The following RABGAP1L variants were observed in gnomAD, a reference collection of about 807,000 sequenced individuals.
RABGAP1L encodes the protein rab GTPase-activating protein 1-like.
Under a neutral mutation model 137.7 loss-of-function variants are expected in RABGAP1L, and 63 were observed. That is an observed-to-expected ratio of 0.46 (90% CI 0.37 to 0.56). The LOEUF (loss-of-function observed/expected upper bound fraction) is 0.56, where lower values mean the gene tolerates loss of function less well. Among genes scored for constraint, RABGAP1L ranks in the 20% least tolerant of loss-of-function variants. The pLI is 0.00. For synonymous variants in RABGAP1L, 431 were observed against 433.7 expected (o/e 0.99, Z 0.08); for missense variants, 1,095 against 1,244.0 (o/e 0.88, Z 1.80).
intron 15 of RABGAP1L, among the ~76,000 whole-genome samples, chr1:174,686,274 TTTTCACTTTG>T: frequency 6.6e-6 from 1 of 152,210 alleles, no homozygotes; most frequent in East Asian, 1.9e-4. Flanking sequence ...TCTATTATGA[TTTTCACTTTG>T]TTTCACTTTG....
chr1:174,703,167 G>A lies in RABGAP1L; in HGVS notation c.2169+911G>A, dbSNP rs933002841. ...AGGGGTACAAGTGATGTTTTGCTAC[G>A]TGGATATATTGTGTAGTGGTTAAGT... On this transcript the variant is annotated intron_variant, in intron 17 of 25. Coordinates refer to ENST00000681986, the MANE Select transcript of RABGAP1L (RefSeq NM_001366446.1). Among the ~76,000 whole-genome samples, 6 of 152,198 alleles carry A rather than the reference G, an allele frequency of 3.9e-5. No individual in the cohort carries two copies. The East Asian group carries it at 5.8e-4, about 15-fold the overall frequency.
At position 174,582,545 on chromosome 1, in the gene RABGAP1L, A is replaced by G. The variant is rs576395368; in HGVS notation, c.1711-54830A>G. Among the ~76,000 whole-genome samples the G allele has an allele frequency of 3.0e-3, 452 of 152,244 alleles. 2 individuals are homozygous for G. The highest frequency in any genetic ancestry group is 0.01 in the Middle Eastern group (3 of 294). On this transcript the variant is annotated intron_variant, in intron 13 of 25. Transcript: ENST00000681986. The stretch of plus-strand genomic sequence containing the variant: ...TACTTGAGCCCTGGAGTTTGAGGCT[A>G]GTCTGGGCAACACAGCAAGACCCCA...
intron 13 of RABGAP1L, among the ~76,000 whole-genome samples, chr1:174,570,587 T>C (rs935600464): frequency 6.6e-6 from 1 of 152,142 alleles, no homozygotes; most frequent in Non-Finnish European, 1.5e-5. Flanking sequence ...ACCTAGAGGA[T>C]GGGATTAATC....
intron 19 of RABGAP1L, among the ~76,000 whole-genome samples, chr1:174,921,718 T>C (rs1482859451): frequency 2.0e-5 from 3 of 152,260 alleles, no homozygotes; most frequent in Non-Finnish European, 2.9e-5. Context: ...CTTTATCATG[T>C]AGCATTTACC....
rs559331066 is a variant in RABGAP1L at position 174,226,422 on chromosome 1, G to C, written c.332-4723G>C. Among the ~76,000 whole-genome samples, 4 of 152,140 alleles carry C rather than the reference G, an allele frequency of 2.6e-5. No individual in the cohort carries two copies. In the South Asian group the frequency reaches 8.3e-4, roughly 31 times the overall value. ...TAAAAAAAGAAAGAAAGAGTCCTCCGGTCGTTGCTTTTTATATTCTGTCGA... is the reference window on the plus strand; with the variant it reads ...TAAAAAAAGAAAGAAAGAGTCCTCCCGTCGTTGCTTTTTATATTCTGTCGA... On this transcript the variant is annotated intron_variant, in intron 3 of 25. Coordinates refer to ENST00000681986, the MANE Select transcript of RABGAP1L (RefSeq NM_001366446.1).
chr1:174,911,858 A>G (rs1009147244), intron 19 of RABGAP1L, among the ~76,000 whole-genome samples: 3 of 152,194 alleles, frequency 2.0e-5, no homozygotes, highest in Admixed American at 6.5e-5. Flanking sequence ...AATGAAACAG[A>G]TGACTGTGTT....
intron 13 of RABGAP1L, among the ~76,000 whole-genome samples, chr1:174,434,327 A>G (rs998741671): frequency 1.3e-5 from 2 of 152,030 alleles, no homozygotes; most frequent in South Asian, 2.1e-4. Flanking sequence ...TCATTGCTAT[A>G]TTTCATTGTA....
At chr1:174,386,661 C>G (rs1032188118) in intron 12 of RABGAP1L, among the ~76,000 whole-genome samples, 2 of 152,020 alleles carry the variant, frequency 1.3e-5, no homozygotes, top group Non-Finnish European at 2.9e-5. Context: ...GTATGGGCCA[C>G]CACGCCTGGC....
At chr1:174,602,607 C>CTTTTTTTTTA (rs1427754328) in intron 13 of RABGAP1L, among the ~76,000 whole-genome samples, 18 of 152,082 alleles carry the variant, frequency 1.2e-4, no homozygotes, top group Non-Finnish European at 2.5e-4. Flanking sequence ...TTATTTAGAT[C>CTTTTTTTTTA]TTGTAGGCAT....
chr1:174,242,075 A>G (rs1383320069), intron 5 of RABGAP1L, among the ~76,000 whole-genome samples: 1 of 152,188 alleles, frequency 6.6e-6, no homozygotes, highest in African/African-American at 2.4e-5. Context: ...TATTGCATTA[A>G]GATTATTTTA....
chr1:174,540,627 G>A lies in RABGAP1L; in HGVS notation c.1711-96748G>A, dbSNP rs1009936655. On this transcript the variant is annotated intron_variant, in intron 13 of 25. Transcript: ENST00000681986. ...GTAGATGTGTGGTGTTATTTCTGAG[G>A]GCTCTGTTCTGTTCCATTGGTCTAT... Among the ~76,000 whole-genome samples, 7 of 152,184 alleles carry A rather than the reference G, an allele frequency of 4.6e-5. No homozygotes were observed. The South Asian group carries it at 1.2e-3, about 27-fold the overall frequency.
chr1:174,449,317 A>G (rs1655163629), intron 13 of RABGAP1L: 7 of 847,666 alleles, frequency 8.3e-6, no homozygotes, highest in Admixed American at 5.3e-5. Context: ...AAAATGAAGT[A>G]TGAGACTAAA....
At chr1:174,651,736 G>T (rs1273918245) in intron 14 of RABGAP1L, among the ~76,000 whole-genome samples, 2 of 152,144 alleles carry the variant, frequency 1.3e-5, no homozygotes, top group South Asian at 2.1e-4. Flanking sequence ...TGTCTCTGCA[G>T]GTGAGATGCG....
At chr1:174,718,603 C>A (rs541851733) in intron 17 of RABGAP1L, among the ~76,000 whole-genome samples, 2 of 152,170 alleles carry the variant, frequency 1.3e-5, no homozygotes, top group Non-Finnish European at 2.9e-5. Context: ...AGGCCCTTGG[C>A]ATCATTTGTC....
chr1:174,212,028 G>C (rs1487947463), intron 1 of RABGAP1L, among the ~76,000 whole-genome samples: 1 of 152,032 alleles, frequency 6.6e-6, no homozygotes, highest in Non-Finnish European at 1.5e-5. Flanking sequence ...TACGATAACA[G>C]CTGGAAACTT....
At chr1:174,637,310 G>T in intron 13 of RABGAP1L, 65 bp from the exon 14 acceptor site, 1 of 1,105,810 alleles carries the variant, frequency 9.0e-7, no homozygotes, top group Non-Finnish European at 1.3e-6. Context: ...TTTACCATGT[G>T]TATATATTAT....
chr1:174,200,539 A>G (rs1266796375), intron 1 of RABGAP1L, among the ~76,000 whole-genome samples: 1 of 152,226 alleles, frequency 6.6e-6, no homozygotes, highest in Non-Finnish European at 1.5e-5. Flanking sequence ...AGTAGATTTA[A>G]TCAGTTGGGG....
intron 8 of RABGAP1L, among the ~76,000 whole-genome samples, chr1:174,273,906 AG>A (rs1388510690): frequency 6.6e-6 from 1 of 152,162 alleles, no homozygotes; most frequent in Non-Finnish European, 1.5e-5. Context: ...CAGACAGAGA[AG>A]GGGCTTACTT....
intron 1 of RABGAP1L, among the ~76,000 whole-genome samples, chr1:174,209,522 G>T (rs767882748): frequency 6.6e-6 from 1 of 152,196 alleles, no homozygotes. Context: ...CTGTGGAAAC[G>T]ACAGGGATGA....
Sources: allele counts gnomAD v4.1 joint callset (sites outside exome capture counted in the v4.1 genomes callset), GRCh38; gene constraint gnomAD v4.1.1; transcripts MANE v1.5; gene names NCBI Gene and HGNC (gene_info 2026-07-23, HGNC 2026-07-21).